The following PIK3CB variants were observed in gnomAD, a reference collection of about 807,000 sequenced individuals.
PIK3CB encodes phosphatidylinositol-4,5-bisphosphate 3-kinase catalytic subunit beta.
Under a neutral mutation model 136.8 loss-of-function variants are expected in PIK3CB, and 39 were observed. That is an observed-to-expected ratio of 0.29 (90% CI 0.22 to 0.37). The LOEUF is 0.37. Among genes scored for constraint, PIK3CB ranks in the 10% least tolerant of loss-of-function variants. The pLI, the probability that PIK3CB is intolerant of heterozygous loss-of-function variation, is 1.00. For missense variants in PIK3CB, 868 were observed against 1,275.4 expected (o/e 0.68, Z 4.87); for synonymous variants, 428 against 436.6 (o/e 0.98, Z 0.25).
At chr3:138,825,307 G>A in intron 1 of PIK3CB, 1 of 490,086 alleles carries the variant, frequency 2.0e-6, no homozygotes, top group Non-Finnish European at 3.7e-6. Flanking sequence ...GCTGGTGTCG[G>A]AGAATTTAAA....
intron 2 of PIK3CB, among the ~76,000 whole-genome samples, chr3:138,785,532 C>T (rs1273243174): frequency 6.6e-6 from 1 of 152,146 alleles, no homozygotes; most frequent in Non-Finnish European, 1.5e-5. Flanking sequence ...ACCCCATGCT[C>T]TCTGAAACAT....
intron 19 of PIK3CB, among the ~76,000 whole-genome samples, chr3:138,668,471 T>C (rs999829178): frequency 6.6e-6 from 1 of 152,148 alleles, no homozygotes; most frequent in Non-Finnish European, 1.5e-5. Context: ...CTAGGTACCC[T>C]CTGCACTCAA....
At chr3:138,834,451 C>CG (rs1425542339) in intron 1 of PIK3CB, among the ~76,000 whole-genome samples, 3 of 152,054 alleles carry the variant, frequency 2.0e-5, no homozygotes, top group Non-Finnish European at 4.4e-5. Context: ...GCCCAGGGGC[C>CG]GGGGGGCGCC....
chr3:138,704,057 T>C (rs567410379), intron 12 of PIK3CB, among the ~76,000 whole-genome samples: 2 of 152,274 alleles, frequency 1.3e-5, no homozygotes, highest in Admixed American at 6.5e-5. Context: ...AGCACTAAGA[T>C]GGAAGAAATT....
intron 2 of PIK3CB, among the ~76,000 whole-genome samples, chr3:138,771,764 A>C (rs2045803037): frequency 6.6e-6 from 1 of 152,058 alleles, no homozygotes; most frequent in South Asian, 2.1e-4. Context: ...AAAAATTTAA[A>C]AATTGGCTGG....
At chr3:138,818,007 C>T (rs2108891597) in intron 1 of PIK3CB, among the ~76,000 whole-genome samples, 1 of 152,240 alleles carries the variant, frequency 6.6e-6, no homozygotes, top group South Asian at 2.1e-4. Flanking sequence ...CAAGATGGGG[C>T]TGGGCATGGT....
At position 138,732,720 on chromosome 3, in the gene PIK3CB, G is replaced by GAAAAAAAAAAA. The variant is rs68137286; in HGVS notation, c.1050+630_1050+640dup. On this transcript the variant is annotated intron_variant, in intron 8 of 23. Transcript: ENST00000674063. ...GTGCTCAGTTTAAAAGGAAAGAAAA[G>GAAAAAAAAAAA]AAAAAAAAAAAAAAAAAAGACTGAA... Among the ~76,000 whole-genome samples the GAAAAAAAAAAA allele has an allele frequency of 3.7e-3, 400 of 107,722 alleles. 1 individual carries two copies. Among genetic ancestry groups the GAAAAAAAAAAA allele is most frequent in the Middle Eastern group, 5.0e-3 (1 of 202 alleles). 70.7% of individuals were successfully genotyped at this position (107,722 alleles called of 152,430 possible). A position where few individuals can be genotyped will look rare whatever the true frequency, so the allele number is the denominator to read the frequency against.
chr3:138,753,166 G>A (rs2045504187), intron 4 of PIK3CB, among the ~76,000 whole-genome samples: 1 of 152,110 alleles, frequency 6.6e-6, no homozygotes, highest in Non-Finnish European at 1.5e-5. Flanking sequence ...GCAGTGACTG[G>A]TGGTTGCACC....
intron 1 of PIK3CB, among the ~76,000 whole-genome samples, chr3:138,830,516 G>A (rs1010647225): frequency 2.0e-5 from 3 of 151,904 alleles, no homozygotes; most frequent in Non-Finnish European, 2.9e-5. Context: ...TGGCGCCACC[G>A]CACTCCAGCC....
intron 14 of PIK3CB, among the ~76,000 whole-genome samples, chr3:138,694,238 C>T (rs958788792): frequency 2.0e-5 from 3 of 151,820 alleles, no homozygotes; most frequent in Non-Finnish European, 4.4e-5. Flanking sequence ...ATCCACTTTA[C>T]TGCTGGGAGT....
intron 13 of PIK3CB, among the ~76,000 whole-genome samples, chr3:138,695,561 G>GT (rs1477001427): frequency 5.3e-5 from 8 of 151,968 alleles, no homozygotes; most frequent in Non-Finnish European, 1.0e-4. Context: ...ATCTAAATGA[G>GT]TATCTACCAG....
chr3:138,719,545 A>G lies in PIK3CB; in HGVS notation c.1051-4826T>C, dbSNP rs529536575. ...TAACACCGGTCTAGCGTGGTATTTT[A>G]AACAGCTAAAATAGAACACTAGAAA... On this transcript the variant is annotated intron_variant, in intron 8 of 23. Coordinates refer to ENST00000674063, the MANE Select transcript of PIK3CB (RefSeq NM_006219.3). 2.6e-5 allele frequency among the ~76,000 whole-genome samples: 4 copies of G among 152,244 alleles called. No individual in the cohort carries two copies. The South Asian group carries it at 8.3e-4, about 32-fold the overall frequency.
chr3:138,753,367 A>G (rs2045508244), intron 4 of PIK3CB, among the ~76,000 whole-genome samples: 1 of 152,182 alleles, frequency 6.6e-6, no homozygotes, highest in Admixed American at 6.5e-5. Context: ...ATAAAAATAC[A>G]AAAACTAGCT....
At chr3:138,688,552 G>A (rs2043944150) in intron 16 of PIK3CB, among the ~76,000 whole-genome samples, 2 of 149,898 alleles carry the variant, frequency 1.3e-5, no homozygotes, top group South Asian at 4.2e-4. Flanking sequence ...GTTCACATCT[G>A]CATTTCTTAG....
chr3:138,733,626 C>A (rs1041191030), intron 7 of PIK3CB, among the ~76,000 whole-genome samples, 188 bp from the exon 8 acceptor site: 1 of 152,136 alleles, frequency 6.6e-6, no homozygotes, highest in Non-Finnish European at 1.5e-5. Context: ...CGCCTGTAAT[C>A]CCAGCACTTT....
chr3:138,779,400 T>TTC (rs2045898668), intron 2 of PIK3CB, among the ~76,000 whole-genome samples: 2 of 147,700 alleles, frequency 1.4e-5, no homozygotes, highest in Non-Finnish European at 3.0e-5. Context: ...TTTTTTTTTT[T>TTC]TTTTTTTTGA....
chr3:138,820,186 C>A (rs1299066161), intron 1 of PIK3CB, among the ~76,000 whole-genome samples: 1 of 152,146 alleles, frequency 6.6e-6, no homozygotes, highest in African/African-American at 2.4e-5. Context: ...ACACTAAATG[C>A]TAATATATCC....
chr3:138,714,695 G>A lies in PIK3CB; in HGVS notation c.1075C>T (p.His359Tyr). The A allele has an allele frequency of 6.2e-7, 1 of 1,608,486 alleles. No homozygotes were observed. The highest frequency in any genetic ancestry group is 8.5e-7 in the Non-Finnish European group (1 of 1,177,878). Residue 359 changes from histidine (H) to tyrosine (Y), a missense_variant, in exon 9 of 24, where the codon CAT becomes TAT. His to Tyr is a moderately conservative substitution (Grantham distance 83). Around this residue, in one of 4 missense-constraint regions of PIK3CB, gnomAD observed 612 missense variants for 801.1 expected, o/e 0.76. Coordinates refer to ENST00000674063, the MANE Select transcript of PIK3CB (RefSeq NM_006219.3). ...VKVHVRAGLF[H>Y]GTELLCKTIV... ...GTTTTACACAGGAGCTCAGTACCAT[G>A]AAAAAGACCAGCCCTGACATGAACC...
intron 2 of PIK3CB, among the ~76,000 whole-genome samples, chr3:138,775,924 G>C (rs1481925868): frequency 1.3e-5 from 2 of 152,116 alleles, no homozygotes; most frequent in African/African-American, 4.8e-5. Context: ...TTGGCCAGCC[G>C]CGGTGGCTCA....
Sources: gnomAD v4.1 joint callset for allele counts (sites outside exome capture counted in the v4.1 genomes callset) on GRCh38, gnomAD v4.1.1 for gene constraint, gnomAD v4.1.1 regional missense constraint, MANE v1.5 for transcripts, NCBI Gene and HGNC (gene_info 2026-07-23, HGNC 2026-07-21) for gene names.